Variants in ANTXR1 observed in about 807,000 individuals in gnomAD.
The protein encoded by ANTXR1 is ANTXR cell adhesion molecule 1.
Under a neutral mutation model 78.1 loss-of-function variants are expected in ANTXR1, and 19 were observed. The ratio of observed to expected loss-of-function variants is 0.24; its 90% CI spans 0.17 to 0.36. The LOEUF is 0.36. ANTXR1 is among the 10% of genes least tolerant of loss of function. The pLI is 1.00. For synonymous variants in ANTXR1, 273 were observed against 260.5 expected (o/e 1.05, Z -0.46); for missense variants, 518 against 718.6 (o/e 0.72, Z 3.19).
chr2:69,040,313 T>G (rs1669576684), intron 2 of ANTXR1, among the ~76,000 whole-genome samples, 198 bp downstream of exon 2: 1 of 152,254 alleles, frequency 6.6e-6, no homozygotes, highest in South Asian at 2.1e-4. Flanking sequence ...TTTATGTTTT[T>G]GGGAGGAGCC....
At chr2:69,217,819 A>T (rs1164981425) in intron 17 of ANTXR1, among the ~76,000 whole-genome samples, 3 of 152,080 alleles carry the variant, frequency 2.0e-5, no homozygotes, top group Non-Finnish European at 4.4e-5. Flanking sequence ...TATGGAAAAG[A>T]TCCTCTTCCC....
In ANTXR1 at chr2:69,249,026, T is replaced by C. The variant is rs887164210; in HGVS notation, c.*3541T>C. 1 of 152,244 alleles carries C rather than the reference T, an allele frequency of 6.6e-6. No individual in the cohort carries two copies. The highest frequency in any genetic ancestry group is 1.5e-5 in the Non-Finnish European group (1 of 68,042). The allele number at this position is 152,244 out of a possible 1,614,324, so 9.4% of individuals were successfully genotyped here. On this transcript the variant is annotated 3_prime_UTR_variant, in exon 18 of 18. Coordinates refer to ENST00000303714, the MANE Select transcript of ANTXR1 (RefSeq NM_032208.3). ...CTTCTTTCTGTGATAATTCAGAAGA[T>C]AGTTATGGATCTTCAATGCCTCTGA...
intron 6 of ANTXR1, among the ~76,000 whole-genome samples, chr2:69,073,437 AT>A (rs1670633439): frequency 6.6e-6 from 1 of 152,198 alleles, no homozygotes; most frequent in Admixed American, 6.5e-5. Flanking sequence ...CATTGATATA[AT>A]TTTTCCTTAT....
intron 14 of ANTXR1, among the ~76,000 whole-genome samples, chr2:69,180,935 G>A (rs571456737): frequency 6.6e-6 from 1 of 152,264 alleles, no homozygotes; most frequent in Non-Finnish European, 1.5e-5. Context: ...TAGACAAGGG[G>A]ACAAGGGGAC....
chr2:69,029,048 C>T (rs947796868), intron 1 of ANTXR1, among the ~76,000 whole-genome samples: 2 of 149,052 alleles, frequency 1.3e-5, no homozygotes, highest in East Asian at 3.9e-4. Flanking sequence ...GAGACCCCCC[C>T]CCCTCCATCT....
At chr2:69,103,584 A>G (rs1457844318) in intron 10 of ANTXR1, 3 of 158,492 alleles carry the variant, frequency 1.9e-5, no homozygotes, top group Admixed American at 1.8e-4. Flanking sequence ...AAAATGAATT[A>G]TCATAACATT....
At chr2:69,217,542 T>G (rs1358979952) in intron 17 of ANTXR1, among the ~76,000 whole-genome samples, 1 of 152,222 alleles carries the variant, frequency 6.6e-6, no homozygotes, top group Non-Finnish European at 1.5e-5. Context: ...CACTCTGAAC[T>G]TGTAAAATGA....
chr2:69,145,641 G>A, intron 12 of ANTXR1: 1 of 1,223,558 alleles, frequency 8.2e-7, no homozygotes, highest in Non-Finnish European at 1.0e-6. Context: ...GCATCAGGCA[G>A]AATCCTGGTG....
chr2:69,226,437 C>G (rs1356480843), intron 17 of ANTXR1, among the ~76,000 whole-genome samples: 1 of 152,032 alleles, frequency 6.6e-6, no homozygotes, highest in African/African-American at 2.4e-5. Context: ...CGGAGGAAGG[C>G]AAAGGTCAAG....
intron 10 of ANTXR1, among the ~76,000 whole-genome samples, chr2:69,122,064 T>C (rs1672363902): frequency 6.6e-6 from 1 of 152,212 alleles, no homozygotes; most frequent in Non-Finnish European, 1.5e-5. Context: ...CCAAAGTTCT[T>C]TCTATAACTT....
chr2:69,194,844 C>G (rs1271041800), intron 17 of ANTXR1, among the ~76,000 whole-genome samples: 1 of 150,832 alleles, frequency 6.6e-6, no homozygotes, highest in Non-Finnish European at 1.5e-5. Context: ...GAATGAGACT[C>G]TGTCTCAAAA....
intron 6 of ANTXR1, among the ~76,000 whole-genome samples, chr2:69,074,226 A>G (rs1029867228): frequency 6.6e-6 from 1 of 152,230 alleles, no homozygotes; most frequent in Non-Finnish European, 1.5e-5. Flanking sequence ...GAGGAAATAC[A>G]CAAGGTAATA....
intron 1 of ANTXR1, among the ~76,000 whole-genome samples, chr2:69,014,265 T>C (rs548129633): frequency 2.0e-5 from 3 of 152,246 alleles, no homozygotes; most frequent in South Asian, 4.1e-4. Context: ...CTGCGCGTTG[T>C]AGGATGTTTA....
At chr2:69,177,461 GC>G (rs1674154221) in intron 14 of ANTXR1, among the ~76,000 whole-genome samples, 1 of 152,180 alleles carries the variant, frequency 6.6e-6, no homozygotes, top group African/African-American at 2.4e-5. Context: ...ACCCAGGTCT[GC>G]CTGAGGACAC....
intron 10 of ANTXR1, among the ~76,000 whole-genome samples, chr2:69,103,936 C>CTT (rs1406136334): frequency 1.6e-5 from 2 of 125,046 alleles, no homozygotes; most frequent in African/African-American, 8.1e-5. Context: ...TCCTGATAGC[C>CTT]TATTTTTTTT....
intron 17 of ANTXR1, among the ~76,000 whole-genome samples, chr2:69,202,334 C>T (rs566410612): frequency 6.6e-6 from 1 of 152,210 alleles, no homozygotes; most frequent in South Asian, 2.1e-4. Context: ...AATTAAGATG[C>T]AAACTGAGAG....
chr2:69,212,281 G>A (rs569584446), intron 17 of ANTXR1, among the ~76,000 whole-genome samples: 1 of 152,312 alleles, frequency 6.6e-6, no homozygotes, highest in East Asian at 1.9e-4. Flanking sequence ...GTGGGAAAGA[G>A]AATTTCACAG....
At chr2:69,144,228 A>G (rs1013033969) in intron 12 of ANTXR1, among the ~76,000 whole-genome samples, 6 of 152,218 alleles carry the variant, frequency 3.9e-5, no homozygotes, top group Admixed American at 6.5e-5. Flanking sequence ...GCAGGTGTGC[A>G]GAGGCCTCCA....
intron 17 of ANTXR1, among the ~76,000 whole-genome samples, chr2:69,233,448 A>G (rs538404874): frequency 3.9e-4 from 60 of 151,988 alleles, no homozygotes; most frequent in African/African-American, 1.4e-3. Flanking sequence ...TATAAAATAT[A>G]TATCAGTAGG....
Sources: gnomAD v4.1 joint callset for allele counts (sites outside exome capture counted in the v4.1 genomes callset) on GRCh38, gnomAD v4.1.1 for gene constraint, MANE v1.5 for transcripts, NCBI Gene and HGNC (gene_info 2026-07-23, HGNC 2026-07-21) for gene names.